RAMP1: variants seen among roughly 807,000 people sequenced by gnomAD.
RAMP1 encodes receptor activity-modifying protein 1.
A neutral mutation model predicts 8.2 loss-of-function variants in RAMP1; 7 were observed. That is an observed-to-expected ratio of 0.85 (90% confidence interval 0.49 to 1.60). The LOEUF (loss-of-function observed/expected upper bound fraction) is 1.60. Ranked by LOEUF, RAMP1 falls within the 40% of genes most tolerant of loss-of-function variation. The pLI, the probability that RAMP1 is intolerant of heterozygous loss-of-function variation, is 0.00. For missense variants in RAMP1, 192 were observed against 202.4 expected (o/e 0.95, Z 0.31); for synonymous variants, 92 against 84.7 (o/e 1.09, Z -0.47).
intron 1 of RAMP1, among the ~76,000 whole-genome samples, chr2:237,861,217 C>G (rs996506942): frequency 6.6e-6 from 1 of 151,982 alleles, no homozygotes; most frequent in Non-Finnish European, 1.5e-5. Context: ...CCTTGTTTAC[C>G]GAGAAAACTA....
chr2:237,881,186 T>G (rs2062364397), intron 2 of RAMP1, among the ~76,000 whole-genome samples: 1 of 152,182 alleles, frequency 6.6e-6, no homozygotes, highest in African/African-American at 2.4e-5. Context: ...TGTACTTTGG[T>G]TTTTCTTCAC....
In RAMP1 at chr2:237,887,809, G is replaced by A. The variant is rs528072839; in HGVS notation, c.191+10447G>A. Among the ~76,000 whole-genome samples, 12 of 152,284 alleles carry A rather than the reference G, an allele frequency of 7.9e-5. No individual in the cohort carries two copies. In the South Asian group the frequency reaches 1.9e-3, roughly 24 times the overall value. ...TAAACATTAGCTGAGTGTAATGGGC[G>A]CACCTGTAGTCCTAGGGAGGCTGAA... On this transcript the variant is annotated intron_variant, in intron 2 of 2. Coordinates refer to ENST00000254661, the MANE Select transcript of RAMP1 (RefSeq NM_005855.4).
chr2:237,868,042 C>G (rs2151003774), intron 1 of RAMP1, among the ~76,000 whole-genome samples: 1 of 149,082 alleles, frequency 6.7e-6, no homozygotes, highest in South Asian at 2.1e-4. Flanking sequence ...CTTGGGTTTT[C>G]TGTCTTTTTT....
intron 2 of RAMP1, among the ~76,000 whole-genome samples, chr2:237,901,198 A>T (rs1279892661): frequency 6.6e-6 from 1 of 152,258 alleles, no homozygotes; most frequent in African/African-American, 2.4e-5. Flanking sequence ...TCTCCTGGGT[A>T]CATCCCTCTC....
In RAMP1 at chr2:237,912,090, A is replaced by C; in HGVS notation, c.*307A>C. On this transcript the variant is annotated 3_prime_UTR_variant, in exon 3 of 3. Coordinates refer to ENST00000254661, the MANE Select transcript of RAMP1 (RefSeq NM_005855.4). ...TTTGTGGATGAGTGGTTTGTGATTA[A>C]AAGGGATGTTCTTGAACTTGGAAAG... 1 of 401,936 alleles carries C rather than the reference A, an allele frequency of 2.5e-6. No individual in the cohort carries two copies. Among genetic ancestry groups the C allele is most frequent in the Non-Finnish European group, 4.5e-6 (1 of 221,084 alleles). 24.9% of individuals were successfully genotyped at this position (401,936 alleles called of 1,614,324 possible). A position where few individuals can be genotyped will look rare whatever the true frequency, so the allele number is the denominator to read the frequency against.
At chr2:237,859,604 C>A, upstream of RAMP1, 5 of 1,147,248 alleles carry the variant, frequency 4.4e-6, no homozygotes, top group Non-Finnish European at 5.4e-6. Context: ...CTCCTCCGGG[C>A]CCGCGCCGCG....
intron 2 of RAMP1, among the ~76,000 whole-genome samples, chr2:237,884,871 C>T (rs1450734856): frequency 1.3e-5 from 2 of 152,260 alleles, no homozygotes; most frequent in African/African-American, 4.8e-5. Flanking sequence ...CAATCATGGG[C>T]CCTCCCCCAG....
chr2:237,877,229 C>T lies in RAMP1; in HGVS notation c.58C>T (p.His20Tyr), dbSNP rs888987308. 12 of 1,613,804 alleles carry T rather than the reference C, an allele frequency of 7.4e-6. 1 individual carries two copies. In the Admixed American group the frequency reaches 2.0e-4, roughly 27 times the overall value. ...CATGGCCGTGTCTATTTCAGCCCAT[C>T]ACCTCTTCATGACCACTGCCTGCCA... ...RRGLWLLLAH[H>Y]LFMTTACQEA... is the part of the protein sequence containing the mutation. The change falls in exon 2 of 3, where the codon CAC becomes TAC. Residue 20 changes from histidine to tyrosine, a missense_variant. Physicochemically the swap from His to Tyr is moderately conservative, Grantham distance 83. Coordinates refer to ENST00000254661, the MANE Select transcript of RAMP1 (RefSeq NM_005855.4). This position sits in a 1 kb window ranked among gnomAD's most constrained non-coding sequence, Gnocchi z 4.4.
At chr2:237,859,808 GGGAGCGGGT>G in intron 1 of RAMP1, 81 bp downstream of exon 1, 1 of 1,126,188 alleles carries the variant, frequency 8.9e-7, no homozygotes, top group South Asian at 2.2e-5. Context: ...GGGAGCGGGT[GGGAGCGGGT>G]GGGAGCGGGT....
Position 237,888,348 on chromosome 2 carries a change from G to T in RAMP1, c.191+10986G>T, listed in dbSNP as rs1193529283. On this transcript the variant is annotated intron_variant, in intron 2 of 2. Transcript: ENST00000254661. ...TTACAGGCGTGAGCCACCACGCCCG[G>T]CCCATTCTGTGGTTCTTGATAGATT... Among the ~76,000 whole-genome samples the T allele has an allele frequency of 2.0e-5, 3 of 152,176 alleles. No homozygotes were observed. The East Asian group carries it at 5.8e-4, about 29-fold the overall frequency.
At chr2:237,902,880 G>C (rs1339614022) in intron 2 of RAMP1, among the ~76,000 whole-genome samples, 3 of 152,214 alleles carry the variant, frequency 2.0e-5, no homozygotes, top group Non-Finnish European at 2.9e-5. Flanking sequence ...AAAAAGTTGA[G>C]AGAAAAGTCC....
intron 2 of RAMP1, among the ~76,000 whole-genome samples, chr2:237,892,693 C>A (rs996168397): frequency 6.6e-6 from 1 of 152,158 alleles, no homozygotes; most frequent in Non-Finnish European, 1.5e-5. Flanking sequence ...ACTTTGGCCT[C>A]CCCTGTGTGA....
At chr2:237,876,198 A>C (rs2062301519) in intron 1 of RAMP1, among the ~76,000 whole-genome samples, 1 of 152,072 alleles carries the variant, frequency 6.6e-6, no homozygotes. Context: ...CGTGCCGGAG[A>C]CTGGTACTCC....
At chr2:237,891,682 TGAAAAA>T (rs1489153464) in intron 2 of RAMP1, among the ~76,000 whole-genome samples, 5 of 152,206 alleles carry the variant, frequency 3.3e-5, no homozygotes, top group African/African-American at 2.4e-5. Context: ...AATGAATACT[TGAAAAA>T]GAAGAAATTA....
At chr2:237,891,801 T>G (rs896461230) in intron 2 of RAMP1, among the ~76,000 whole-genome samples, 1 of 152,226 alleles carries the variant, frequency 6.6e-6, no homozygotes, top group African/African-American at 2.4e-5. Context: ...TAGTTGATAA[T>G]GAAGTATTTT....
intron 1 of RAMP1, among the ~76,000 whole-genome samples, chr2:237,871,376 C>A (rs539630625): frequency 6.6e-6 from 1 of 152,306 alleles, no homozygotes; most frequent in African/African-American, 2.4e-5. Context: ...CCCAGCCACA[C>A]AGGAAACGCC....
In RAMP1 at chr2:237,876,643, C is replaced by T. The variant is rs532971503; in HGVS notation, c.53-581C>T. Among the ~76,000 whole-genome samples the T allele has an allele frequency of 9.9e-5, 15 of 151,120 alleles. No homozygotes were observed. The South Asian group carries it at 1.7e-3, about 17-fold the overall frequency. On this transcript the variant is annotated intron_variant, in intron 1 of 2. Transcript: ENST00000254661. ...GGGGGACCAAGGGCCATGCTCTCCC[C>T]GCCACCCCCGCCCCCACCCAGCCAG...
At chr2:237,885,210 G>A (rs74001301) in intron 2 of RAMP1, among the ~76,000 whole-genome samples, 15,021 of 152,110 alleles carry the variant, frequency 0.099, 1,308 homozygotes, top group African/African-American at 0.23. Flanking sequence ...GGAACTGAGA[G>A]GGAGGCTTCT....
intron 2 of RAMP1, among the ~76,000 whole-genome samples, chr2:237,892,219 ATTACT>A (rs896706426): frequency 2.7e-5 from 4 of 147,812 alleles, no homozygotes; most frequent in Non-Finnish European, 6.0e-5. Context: ...TTCCATGCTG[ATTACT>A]TTTCTTTTCC....
Sources: allele counts gnomAD v4.1 joint callset (sites outside exome capture counted in the v4.1 genomes callset), GRCh38; gene constraint gnomAD v4.1.1; non-coding constraint Gnocchi (gnomAD v3.1); transcripts MANE v1.5; gene names NCBI Gene and HGNC (gene_info 2026-07-23, HGNC 2026-07-21).